The following MTX2 variants were observed in gnomAD, a reference collection of about 807,000 sequenced individuals.
The protein encoded by MTX2 is metaxin 2, also known as metaxin-2.
A neutral mutation model predicts 42.3 loss-of-function variants in MTX2; 35 were observed. The ratio of observed to expected loss-of-function variants is 0.83; its 90% CI spans 0.63 to 1.10. The LOEUF (loss-of-function observed/expected upper bound fraction) is 1.10. MTX2 is among the 50% of genes least tolerant of loss of function. The pLI is 0.00. For missense variants in MTX2, 307 were observed against 304.1 expected (o/e 1.01, Z -0.07); for synonymous variants, 119 against 100.9 (o/e 1.18, Z -1.08).
chr2:176,297,442 T>C (rs982681668), intron 2 of MTX2, among the ~76,000 whole-genome samples: 2 of 152,178 alleles, frequency 1.3e-5, no homozygotes, highest in Non-Finnish European at 2.9e-5. Context: ...GAACTTGTCA[T>C]CTTTCTTTTG....
At chr2:176,295,394 TTTTA>T (rs1346388625) in intron 1 of MTX2, among the ~76,000 whole-genome samples, 1 of 152,184 alleles carries the variant, frequency 6.6e-6, no homozygotes, top group Non-Finnish European at 1.5e-5. Context: ...TTTTGTTTCC[TTTTA>T]TTTAAAAAAC....
At chr2:176,322,378 CT>C (rs1684605880) in intron 3 of MTX2, among the ~76,000 whole-genome samples, 1 of 152,024 alleles carries the variant, frequency 6.6e-6, no homozygotes, top group Non-Finnish European at 1.5e-5. Context: ...TCTTATCTTA[CT>C]TTTGACAGCT....
chr2:176,275,110 T>G (rs886139408), intron 1 of MTX2, among the ~76,000 whole-genome samples: 11 of 152,192 alleles, frequency 7.2e-5, no homozygotes, highest in African/African-American at 2.7e-4. Context: ...TGTTCAGTAG[T>G]TTTTTGGAAT....
chr2:176,312,823 A>AT (rs200024255), intron 3 of MTX2, among the ~76,000 whole-genome samples: 3,337 of 144,120 alleles, frequency 0.023, 124 homozygotes, highest in African/African-American at 0.083. Context: ...AGATTGCATC[A>AT]TTGCACTCCA....
chr2:176,328,300 C>G lies in MTX2; in HGVS notation c.293C>G (p.Ser98Cys). The change falls in exon 6 of 10, where the codon TCT (serine) becomes TGT (cysteine). Residue 98 changes from serine (S) to cysteine (C), a missense_variant. By Grantham distance (112) the Ser-to-Cys change is moderately radical (BLOSUM62 -1). Transcript: ENST00000249442. Reference protein sequence around the residue: ...IVQFVKAKGHSLSDGLEEVQK... With the variant: ...IVQFVKAKGHCLSDGLEEVQK... ...TTTTTAAATTCCCTTTAGGGCCATT[C>G]TCTTAGTGATGGGCTGGAGGAAGTC... is the stretch of plus-strand genomic sequence containing the variant. 6.4e-7 allele frequency: 1 copy of G among 1,563,116 alleles called. No homozygotes were observed. Among genetic ancestry groups the G allele is most frequent in the Non-Finnish European group, 8.6e-7 (1 of 1,158,274 alleles).
At chr2:176,283,581 A>T (rs980854024) in intron 1 of MTX2, among the ~76,000 whole-genome samples, 1 of 152,190 alleles carries the variant, frequency 6.6e-6, no homozygotes, top group Non-Finnish European at 1.5e-5. Flanking sequence ...GTGAAGGAAG[A>T]GGAATAGAGT....
chr2:176,320,696 T>C (rs1222872813), intron 3 of MTX2, among the ~76,000 whole-genome samples: 1 of 29,534 alleles, frequency 3.4e-5, no homozygotes, highest in Non-Finnish European at 9.0e-5. Flanking sequence ...TTACTTATTC[T>C]TTTTTTTTTT....
At chr2:176,328,758 C>T in intron 6 of MTX2, 116 bp from the exon 7 acceptor site, 1 of 919,172 alleles carries the variant, frequency 1.1e-6, no homozygotes, top group Non-Finnish European at 1.7e-6. Flanking sequence ...AAACAAACCG[C>T]TACATGTGTG....
intron 7 of MTX2, 27 bp from the exon 8 acceptor site, chr2:176,329,274 C>G (rs949333174): frequency 3.2e-5 from 50 of 1,563,570 alleles, no homozygotes; most frequent in Admixed American, 9.6e-5. Flanking sequence ...GAAGGATCAC[C>G]TTTTTTACAA....
intron 1 of MTX2, among the ~76,000 whole-genome samples, chr2:176,279,900 G>T (rs1458477945): frequency 6.6e-6 from 1 of 152,154 alleles, no homozygotes; most frequent in Non-Finnish European, 1.5e-5. Context: ...AAATTACAGA[G>T]TGCAGATTAT....
At chr2:176,319,358 G>A (rs73036882) in intron 3 of MTX2, among the ~76,000 whole-genome samples, 3,083 of 152,104 alleles carry the variant, frequency 0.02, 117 homozygotes, top group African/African-American at 0.071. Flanking sequence ...CAAGAGAAAG[G>A]GGAAATACTG....
chr2:176,329,544 T>C, intron 8 of MTX2, 118 bp downstream of exon 8: 6 of 1,038,260 alleles, frequency 5.8e-6, no homozygotes, highest in Non-Finnish European at 7.9e-6. Context: ...CCATTTCCTG[T>C]GATTTTCACT....
chr2:176,269,978 G>A (rs897852879), intron 1 of MTX2, among the ~76,000 whole-genome samples: 11 of 152,064 alleles, frequency 7.2e-5, no homozygotes, highest in Non-Finnish European at 1.5e-4. Flanking sequence ...GATTGAGGTG[G>A]GGGGCGTTAC....
chr2:176,334,645 A>G (rs1558947297), intron 9 of MTX2, among the ~76,000 whole-genome samples: 1 of 151,956 alleles, frequency 6.6e-6, no homozygotes. Flanking sequence ...CACTTCATGA[A>G]TGTCAAAAGA....
intron 9 of MTX2, among the ~76,000 whole-genome samples, chr2:176,334,489 G>T (rs558518388): frequency 3.3e-5 from 5 of 151,798 alleles, no homozygotes; most frequent in Middle Eastern, 3.4e-3. Flanking sequence ...TTTTTTGCAG[G>T]GATCTATTCA....
chr2:176,305,672 T>C lies in MTX2; in HGVS notation c.135+7777T>C, dbSNP rs751390724. On this transcript the variant is annotated intron_variant, in intron 3 of 9. Coordinates refer to ENST00000249442, the MANE Select transcript of MTX2 (RefSeq NM_006554.5). ...CTTTCTCTATTCTAATTGTCTCTTT[T>C]GTTGCTTTCAGAAATAACCTGATTT... 1.7e-4 allele frequency among the ~76,000 whole-genome samples: 26 copies of C among 152,310 alleles called. No homozygotes were observed. In the Middle Eastern group the frequency reaches 0.014, roughly 80 times the overall value.
At chr2:176,275,741 T>C (rs1309069662) in intron 1 of MTX2, among the ~76,000 whole-genome samples, 6 of 152,338 alleles carry the variant, frequency 3.9e-5, no homozygotes, top group East Asian at 1.9e-4. Context: ...CCATTTGGGC[T>C]ACATGACGGC....
intron 9 of MTX2, among the ~76,000 whole-genome samples, chr2:176,337,093 A>G (rs1241837246): frequency 6.6e-6 from 1 of 152,174 alleles, no homozygotes; most frequent in African/African-American, 2.4e-5. Flanking sequence ...TCTAAATGAT[A>G]TGCAGTAGTG....
chr2:176,331,671 CTG>C (rs756453131), intron 9 of MTX2, among the ~76,000 whole-genome samples: 4 of 151,114 alleles, frequency 2.6e-5, no homozygotes, highest in African/African-American at 9.7e-5. Flanking sequence ...AGAATTCAAA[CTG>C]TGAAATTCTG....
Sources: gnomAD v4.1 joint callset for allele counts (sites outside exome capture counted in the v4.1 genomes callset) on GRCh38, gnomAD v4.1.1 for gene constraint, MANE v1.5 for transcripts, NCBI Gene and HGNC (gene_info 2026-07-23, HGNC 2026-07-21) for gene names.